Variants in RBM6 observed in about 807,000 individuals in gnomAD.
RBM6 encodes the protein RNA-binding protein 6.
In RBM6, 23 loss-of-function variants were observed where a neutral mutation model predicts 140.4. The ratio of observed to expected loss-of-function variants is 0.16; its 90% CI spans 0.12 to 0.23. The LOEUF (loss-of-function observed/expected upper bound fraction) is 0.23, where lower values mean the gene tolerates loss of function less well. Among genes scored for constraint, RBM6 ranks in the 10% least tolerant of loss-of-function variants. The probability of loss-of-function intolerance (pLI) is 1.00; values close to 1 mark genes in which losing one functional copy is unlikely to be tolerated. For missense variants in RBM6, 1,139 were observed against 1,386.7 expected (o/e 0.82, Z 2.84); for synonymous variants, 439 against 475.6 (o/e 0.92, Z 1.00).
chr3:49,977,232 C>T (rs1036621768), intron 5 of RBM6, among the ~76,000 whole-genome samples: 1 of 152,220 alleles, frequency 6.6e-6, no homozygotes, highest in African/African-American at 2.4e-5. Flanking sequence ...CTGAGCTTTT[C>T]TCTTGTCTTT....
At chr3:49,983,867 T>C (rs889408127) in intron 5 of RBM6, among the ~76,000 whole-genome samples, 1 of 152,146 alleles carries the variant, frequency 6.6e-6, no homozygotes, top group African/African-American at 2.4e-5. Flanking sequence ...GATGGACGCT[T>C]TGGCTGGCCT....
intron 6 of RBM6, among the ~76,000 whole-genome samples, chr3:50,023,762 C>T (rs1356293256): frequency 6.8e-6 from 1 of 147,904 alleles, no homozygotes; most frequent in Non-Finnish European, 1.5e-5. Flanking sequence ...GATTCTCGTG[C>T]CTCAGCCTCT....
At chr3:50,002,011 T>C (rs1238939666) in intron 6 of RBM6, among the ~76,000 whole-genome samples, 1 of 152,184 alleles carries the variant, frequency 6.6e-6, no homozygotes, top group Non-Finnish European at 1.5e-5. Flanking sequence ...TACCTAGCAC[T>C]TGGTAGCATT....
intron 5 of RBM6, among the ~76,000 whole-genome samples, chr3:49,991,918 CTTTATTTTAT>C (rs138310398): frequency 0.011 from 1,463 of 132,956 alleles, 18 homozygotes; most frequent in African/African-American, 0.029. Flanking sequence ...ATCCCAGAGC[CTTTATTTTAT>C]TTTATTTTAT....
At chr3:50,005,243 T>G (rs1394162923) in intron 6 of RBM6, among the ~76,000 whole-genome samples, 2 of 152,148 alleles carry the variant, frequency 1.3e-5, no homozygotes, top group African/African-American at 4.8e-5. Flanking sequence ...ACACCTGTAA[T>G]TCCAGCACTT....
Position 49,968,407 on chromosome 3 carries a change from G to A in RBM6, c.982G>A (p.Gly328Ser). ...CCATACGATAGAAAGGCCTGCTTTT[G>A]GCATTCAGAAGGGAGAATTTGAGCA... The part of the protein sequence containing the change: ...HDHTIERPAF[G>S]IQKGEFEHSE... The change falls in exon 3 of 21, where the codon GGC (glycine) becomes AGC (serine). Residue 328 changes from glycine (G) to serine (S), a missense_variant. This residue lies in a region of RBM6 where 566 missense variants were observed against 612.7 expected (regional missense o/e 0.92). Coordinates refer to ENST00000266022, the MANE Select transcript of RBM6 (RefSeq NM_005777.3). 6.2e-7 allele frequency: 1 copy of A among 1,614,082 alleles called. No individual in the cohort carries two copies. The highest frequency in any genetic ancestry group is 8.5e-7 in the Non-Finnish European group (1 of 1,180,014).
intron 6 of RBM6, among the ~76,000 whole-genome samples, chr3:50,028,577 G>T (rs1368822362): frequency 6.6e-6 from 1 of 152,046 alleles, no homozygotes; most frequent in Non-Finnish European, 1.5e-5. Flanking sequence ...GGTAGTTCAG[G>T]GTAATCTTAG....
chr3:49,987,908 G>T (rs2085639579), intron 5 of RBM6, among the ~76,000 whole-genome samples: 1 of 152,214 alleles, frequency 6.6e-6, no homozygotes, highest in Admixed American at 6.5e-5. Context: ...CAAGCGTGGG[G>T]ATTACAGGTA....
intron 6 of RBM6, among the ~76,000 whole-genome samples, chr3:50,035,458 G>A (rs980254881): frequency 2.0e-5 from 3 of 151,988 alleles, no homozygotes; most frequent in African/African-American, 4.8e-5. Flanking sequence ...CGAGGTGGGC[G>A]GATCACGAGG....
Position 50,062,040 on chromosome 3 carries a change from A to C in RBM6, c.2518A>C (p.Lys840Gln). 6.2e-7 allele frequency: 1 copy of C among 1,614,126 alleles called. No homozygotes were observed. The highest frequency in any genetic ancestry group is 8.5e-7 in the Non-Finnish European group (1 of 1,180,010). Reference sequence around the variant, plus strand: ...GGAAAAAAAACCCACCAGTCAAGGAAAGTCAAGTAGCAAGAAGGAAATGTC... The same window carrying C: ...GGAAAAAAAACCCACCAGTCAAGGACAGTCAAGTAGCAAGAAGGAAATGTC... The part of the protein sequence containing the change: ...IKEKKPTSQG[K>Q]SSSKKEMSKR... Residue 840 changes from lysine to glutamine, a missense_variant, in exon 15 of 21, where the codon AAG becomes CAG. Physicochemically the swap from Lys to Gln is moderately conservative, Grantham distance 53. Around this residue, in one of 9 missense-constraint regions of RBM6, gnomAD observed 163 missense variants for 182.8 expected, o/e 0.89. Coordinates refer to ENST00000266022, the MANE Select transcript of RBM6 (RefSeq NM_005777.3).
At chr3:50,073,226 T>C (rs1305406370) in intron 19 of RBM6, among the ~76,000 whole-genome samples, 4 of 152,218 alleles carry the variant, frequency 2.6e-5, no homozygotes, top group Non-Finnish European at 5.9e-5. Flanking sequence ...TGTTTTATGA[T>C]ACCATAACTG....
intron 1 of RBM6, among the ~76,000 whole-genome samples, chr3:49,959,066 T>C (rs1013267102): frequency 6.6e-6 from 1 of 152,044 alleles, no homozygotes; most frequent in African/African-American, 2.4e-5. Flanking sequence ...GTGCTGGGAT[T>C]ACAGGCGTGA....
At chr3:49,963,937 G>C (rs1246401576) in intron 2 of RBM6, among the ~76,000 whole-genome samples, 1 of 152,032 alleles carries the variant, frequency 6.6e-6, no homozygotes, top group African/African-American at 2.4e-5. Flanking sequence ...GTCTCACTCT[G>C]TTGCCCATGC....
intron 8 of RBM6, 119 bp from the exon 9 acceptor site, chr3:50,057,609 A>G (rs1460387099): frequency 5.8e-6 from 3 of 517,058 alleles, no homozygotes; most frequent in Non-Finnish European, 9.4e-6. Flanking sequence ...AAAAAAAAAA[A>G]GGCATTCCAG....
chr3:49,976,543 T>C (rs947202536), intron 5 of RBM6, among the ~76,000 whole-genome samples: 6 of 152,214 alleles, frequency 3.9e-5, no homozygotes, highest in African/African-American at 1.4e-4. Flanking sequence ...ATTTTTTGCA[T>C]ATGCCTTATA....
At chr3:50,017,249 C>T (rs1051144724) in intron 6 of RBM6, among the ~76,000 whole-genome samples, 4 of 152,122 alleles carry the variant, frequency 2.6e-5, no homozygotes, top group Admixed American at 6.6e-5. Flanking sequence ...CAGGAATGCA[C>T]GTATGTCTTC....
At chr3:49,963,198 T>G (rs544235180) in intron 2 of RBM6, among the ~76,000 whole-genome samples, 23 of 152,184 alleles carry the variant, frequency 1.5e-4, no homozygotes, top group African/African-American at 5.5e-4. Context: ...ATACCCAGCA[T>G]GCCAAATGTT....
intron 6 of RBM6, among the ~76,000 whole-genome samples, chr3:50,006,560 GGCT>G (rs2086586736): frequency 6.6e-6 from 1 of 152,122 alleles, no homozygotes; most frequent in Non-Finnish European, 1.5e-5. Context: ...TTGAACAAGT[GGCT>G]TAACCTCTCT....
intron 9 of RBM6, 61 bp downstream of exon 9, chr3:50,058,064 A>G: frequency 1.3e-6 from 2 of 1,559,564 alleles, no homozygotes; most frequent in Admixed American, 1.8e-5. Flanking sequence ...ATAGATGGCC[A>G]ATGTTATGTC....
Sources: allele counts gnomAD v4.1 joint callset (sites outside exome capture counted in the v4.1 genomes callset), GRCh38; gene constraint gnomAD v4.1.1; regional missense constraint gnomAD v4.1.1; transcripts MANE v1.5; gene names NCBI Gene and HGNC (gene_info 2026-07-23, HGNC 2026-07-21).